The following CACNB2 variants were observed in gnomAD, a reference collection of about 807,000 sequenced individuals.
The protein encoded by CACNB2 is voltage-dependent L-type calcium channel subunit beta-2.
Under a neutral mutation model 73.3 loss-of-function variants are expected in CACNB2, and 42 were observed. The observed-to-expected ratio is 0.57, with a 90% confidence interval of 0.45 to 0.74. The LOEUF (loss-of-function observed/expected upper bound fraction) is 0.74. Ranked by LOEUF, CACNB2 falls within the 30% of genes least tolerant of loss-of-function variation. The probability of loss-of-function intolerance (pLI) is 0.00; values close to 1 mark genes in which losing one functional copy is unlikely to be tolerated. For synonymous variants in CACNB2, 348 were observed against 310.3 expected, an observed-to-expected ratio of 1.12 and a Z score of -1.28; for missense variants, 940 against 853.0, an observed-to-expected ratio of 1.10 and a Z score of -1.27.
chr10:18,337,503 A>G (rs1052496424), intron 2 of CACNB2, among the ~76,000 whole-genome samples: 11 of 152,330 alleles, frequency 7.2e-5, no homozygotes, highest in Middle Eastern at 3.4e-3. Context: ...CACTTTTTGT[A>G]TCAAAAATTT....
intron 5 of CACNB2, among the ~76,000 whole-genome samples, chr10:18,503,833 G>C (rs2050341729): frequency 6.6e-6 from 1 of 152,122 alleles, no homozygotes; most frequent in Non-Finnish European, 1.5e-5. Flanking sequence ...GTTACTTCAG[G>C]ATTTTTTTAT....
intron 3 of CACNB2, among the ~76,000 whole-genome samples, chr10:18,405,925 G>T (rs970048034): frequency 6.6e-6 from 1 of 151,556 alleles, no homozygotes; most frequent in Non-Finnish European, 1.5e-5. Context: ...TTGCTCTCAC[G>T]TGTGCAACAG....
chr10:18,506,849 G>C (rs536937435), intron 6 of CACNB2, among the ~76,000 whole-genome samples: 119 of 152,176 alleles, frequency 7.8e-4, no homozygotes, highest in Admixed American at 1.3e-3. Flanking sequence ...GCCCACGCTG[G>C]AGTGCAGTGG....
At chr10:18,430,647 G>A (rs1225038867) in intron 3 of CACNB2, among the ~76,000 whole-genome samples, 1 of 152,108 alleles carries the variant, frequency 6.6e-6, no homozygotes, top group Non-Finnish European at 1.5e-5. Context: ...CAGTCAATCA[G>A]TAGTAAAGTT....
At chr10:18,525,930 TC>T (rs2052425526) in intron 9 of CACNB2, among the ~76,000 whole-genome samples, 1 of 152,260 alleles carries the variant, frequency 6.6e-6, no homozygotes, top group South Asian at 2.1e-4. Flanking sequence ...TTTGTTCTAG[TC>T]TCATAGATAA....
chr10:18,424,922 G>C (rs1000360869), intron 3 of CACNB2, among the ~76,000 whole-genome samples: 3 of 152,162 alleles, frequency 2.0e-5, no homozygotes, highest in Non-Finnish European at 4.4e-5. Context: ...GCATTTATCC[G>C]TGTCTCCTGA....
chr10:18,315,184 A>G (rs2040114549), intron 2 of CACNB2, among the ~76,000 whole-genome samples: 1 of 152,042 alleles, frequency 6.6e-6, no homozygotes, highest in African/African-American at 2.4e-5. Context: ...AAATACAAAA[A>G]TTAGCAGGGT....
intron 6 of CACNB2, among the ~76,000 whole-genome samples, chr10:18,511,121 CAT>C (rs146127318): frequency 0.029 from 4,485 of 152,240 alleles, 253 homozygotes; most frequent in African/African-American, 0.1. Flanking sequence ...CTACATACCA[CAT>C]GTTAAACCTT....
intron 2 of CACNB2, among the ~76,000 whole-genome samples, chr10:18,376,626 C>T (rs2042808006): frequency 6.6e-6 from 1 of 152,110 alleles, no homozygotes; most frequent in Non-Finnish European, 1.5e-5. Context: ...GGTGAGGAGG[C>T]TTATCACAAG....
intron 2 of CACNB2, among the ~76,000 whole-genome samples, chr10:18,325,144 T>A (rs899074215): frequency 1.6e-4 from 24 of 152,202 alleles, no homozygotes; most frequent in Admixed American, 1.6e-3. Context: ...CGTTTTTTAG[T>A]TGCAGAAACT....
intron 2 of CACNB2, among the ~76,000 whole-genome samples, chr10:18,196,341 G>A (rs1043551906): frequency 6.8e-6 from 1 of 147,314 alleles, no homozygotes; most frequent in African/African-American, 2.5e-5. Context: ...TGCCCAGGCT[G>A]GAGTGCAGTG....
intron 3 of CACNB2, among the ~76,000 whole-genome samples, chr10:18,415,066 A>G (rs1398770331): frequency 6.6e-6 from 1 of 152,170 alleles, no homozygotes; most frequent in Non-Finnish European, 1.5e-5. Context: ...TAAGGAAGGG[A>G]AATTGAAGAT....
chr10:18,374,199 G>T (rs1436754779), intron 2 of CACNB2, among the ~76,000 whole-genome samples: 2 of 152,216 alleles, frequency 1.3e-5, no homozygotes, highest in Non-Finnish European at 2.9e-5. Context: ...AGCAAGAAAA[G>T]ATTTGAACAT....
intron 2 of CACNB2, among the ~76,000 whole-genome samples, chr10:18,162,271 A>T (rs112432160): frequency 1.1e-4 from 16 of 152,346 alleles, no homozygotes; most frequent in African/African-American, 3.6e-4. Context: ...AGCATGAGAA[A>T]TAAAGAGCCT....
intron 2 of CACNB2, among the ~76,000 whole-genome samples, chr10:18,380,778 G>A (rs997307726): frequency 9.2e-5 from 14 of 151,826 alleles, no homozygotes; most frequent in Non-Finnish European, 1.9e-4. Context: ...TTGAGGTTAG[G>A]TTTAGAGAAA....
Position 18,498,440 on chromosome 10 carries a change from T to C in CACNB2, c.419T>C (p.Ile140Thr), listed in dbSNP as rs2049971526. ...EDDVPVPGMA[I>T]SFEAKDFLHV... ...GATGTTCCAGTGCCTGGCATGGCCA[T>C]CTCATTCGAAGCAAAAGATTTTCTG... Residue 140 changes from isoleucine to threonine, a missense_variant, in exon 4 of 14, where the codon ATC becomes ACC. Physicochemically the swap from Ile to Thr is moderately conservative, Grantham distance 89. Coordinates refer to ENST00000324631, the MANE Select transcript of CACNB2 (RefSeq NM_201596.3). 6.2e-7 allele frequency: 1 copy of C among 1,613,964 alleles called. No homozygotes were observed. Among genetic ancestry groups the C allele is most frequent in the Non-Finnish European group, 8.5e-7 (1 of 1,179,960 alleles).
chr10:18,184,194 C>T (rs952020259), intron 2 of CACNB2, among the ~76,000 whole-genome samples: 2 of 152,140 alleles, frequency 1.3e-5, no homozygotes, highest in African/African-American at 4.8e-5. Flanking sequence ...ACTCATTGAA[C>T]TTTGTTGCAT....
chr10:18,307,981 AAC>A, intron 2 of CACNB2, among the ~76,000 whole-genome samples: 1 of 65,814 alleles, frequency 1.5e-5, no homozygotes, highest in Non-Finnish European at 3.3e-5. Flanking sequence ...AATATATGCC[AAC>A]TTTTTTTTTT....
chr10:18,499,476 G>A (rs1301395296), intron 4 of CACNB2, among the ~76,000 whole-genome samples: 4 of 151,994 alleles, frequency 2.6e-5, no homozygotes, highest in African/African-American at 9.7e-5. Flanking sequence ...TTATCTGGGT[G>A]TAGTGGCACA....
Sources: gnomAD v4.1 joint callset for allele counts (sites outside exome capture counted in the v4.1 genomes callset) on GRCh38, gnomAD v4.1.1 for gene constraint, MANE v1.5 for transcripts, NCBI Gene and HGNC (gene_info 2026-07-23, HGNC 2026-07-21) for gene names.